The following DHX57 variants were observed in gnomAD, a reference collection of about 807,000 sequenced individuals.
DHX57 encodes putative ATP-dependent RNA helicase DHX57.
Under a neutral mutation model 156.2 loss-of-function variants are expected in DHX57, and 105 were observed. The ratio of observed to expected loss-of-function variants is 0.67; its 90% CI spans 0.57 to 0.79. The LOEUF (loss-of-function observed/expected upper bound fraction) is 0.79. Ranked by LOEUF, DHX57 falls within the 30% of genes least tolerant of loss-of-function variation. The probability of loss-of-function intolerance (pLI) is 0.00; values close to 1 mark genes in which losing one functional copy is unlikely to be tolerated. For synonymous variants in DHX57, 704 were observed against 595.6 expected (o/e 1.18, Z -2.65); for missense variants, 1,847 against 1,661.9 (o/e 1.11, Z -1.94).
rs1665185898 is a variant in DHX57 at position 38,868,314 on chromosome 2, C to A, written c.92G>T (p.Ser31Ile). ...ACCGCCACCACTCCCATGAGATTTA[C>A]TGGCGTGACTCCTGCCTCCTCTTCC... ...RGGRGGRSHA[S>I]KSHGSGGGGG... Residue 31 changes from serine (S) to isoleucine (I), a missense_variant, in exon 2 of 24, where the codon AGT (serine) becomes ATT (isoleucine). Physicochemically the swap from Ser to Ile is moderately radical, Grantham distance 142 (BLOSUM62 -2). Coordinates refer to ENST00000457308, the MANE Select transcript of DHX57 (RefSeq NM_198963.3). 6.6e-7 allele frequency: 1 copy of A among 1,512,906 alleles called. No individual in the cohort carries two copies. The highest frequency in any genetic ancestry group is 1.4e-5 in the African/African-American group (1 of 71,888). 93.7% of individuals were successfully genotyped at this position (1,512,906 alleles called of 1,614,324 possible). A position where few individuals can be genotyped will look rare whatever the true frequency, so the allele number is the denominator to read the frequency against.
intron 12 of DHX57, among the ~76,000 whole-genome samples, chr2:38,842,468 T>G (rs1369175102): frequency 2.0e-5 from 3 of 152,182 alleles, no homozygotes; most frequent in Non-Finnish European, 4.4e-5. Context: ...ATCACTGTAC[T>G]GTGGTTACGT....
chr2:38,860,437 G>A (rs1572703859), intron 5 of DHX57, among the ~76,000 whole-genome samples: 1 of 152,014 alleles, frequency 6.6e-6, no homozygotes, highest in Non-Finnish European at 1.5e-5. Flanking sequence ...GGACAAGAGT[G>A]AAACTCCATC....
intron 9 of DHX57, among the ~76,000 whole-genome samples, chr2:38,852,802 C>A (rs1380906351): frequency 2.6e-5 from 4 of 151,722 alleles, no homozygotes; most frequent in Non-Finnish European, 5.9e-5. Context: ...TTATGCCTCA[C>A]CCTTTAATGA....
At chr2:38,874,534 T>C (rs577439234) in intron 1 of DHX57, among the ~76,000 whole-genome samples, 2 of 150,946 alleles carry the variant, frequency 1.3e-5, no homozygotes, top group East Asian at 2.0e-4. Context: ...CTCAGCCTCC[T>C]GAGTAGCTGG....
At chr2:38,873,963 G>C (rs3112170) in intron 1 of DHX57, among the ~76,000 whole-genome samples, 38,373 of 152,010 alleles carry the variant, frequency 0.25, 5,655 homozygotes, top group Non-Finnish European at 0.32. Flanking sequence ...ATTGGTTCCA[G>C]AACCCCCATG....
At chr2:38,865,933 C>A (rs989033651) in intron 2 of DHX57, among the ~76,000 whole-genome samples, 1 of 152,146 alleles carries the variant, frequency 6.6e-6, no homozygotes, top group Non-Finnish European at 1.5e-5. Context: ...AAAGCACACC[C>A]AGTCAATGCT....
At chr2:38,838,481 C>A (rs1001229147) in intron 12 of DHX57, among the ~76,000 whole-genome samples, 1 of 152,144 alleles carries the variant, frequency 6.6e-6, no homozygotes, top group African/African-American at 2.4e-5. Flanking sequence ...GGCTCCTGCC[C>A]CTGTTGGAAA....
intron 13 of DHX57, among the ~76,000 whole-genome samples, chr2:38,833,249 TCTC>T (rs1671473896): frequency 6.6e-6 from 1 of 152,110 alleles, no homozygotes; most frequent in African/African-American, 2.4e-5. Flanking sequence ...TTCAAGAGAT[TCTC>T]CTGCCTCAGC....
chr2:38,857,165 T>G (rs1025687990), intron 6 of DHX57: 7 of 154,090 alleles, frequency 4.5e-5, no homozygotes, highest in African/African-American at 1.7e-4. Context: ...AAGAATAGTG[T>G]TACTGAGGAA....
chr2:38,837,717 T>C, intron 13 of DHX57, 114 bp downstream of exon 13: 1 of 691,986 alleles, frequency 1.4e-6, no homozygotes, highest in Middle Eastern at 2.5e-4. Context: ...CCCCACTGCC[T>C]TGTAGCCTGT....
At chr2:38,871,243 T>C (rs189628630) in intron 1 of DHX57, among the ~76,000 whole-genome samples, 2 of 152,346 alleles carry the variant, frequency 1.3e-5, no homozygotes, top group East Asian at 3.9e-4. Context: ...TAAAATAATA[T>C]GTATATGATA....
chr2:38,826,754 T>G (rs1218243057), intron 14 of DHX57, 65 bp from the exon 15 acceptor site: 2 of 1,533,612 alleles, frequency 1.3e-6, no homozygotes, highest in Non-Finnish European at 1.8e-6. Context: ...TTACAGTAGG[T>G]GAATTTCTAC....
intron 22 of DHX57, among the ~76,000 whole-genome samples, chr2:38,804,517 T>C (rs1449897449): frequency 1.3e-5 from 2 of 151,740 alleles, no homozygotes; most frequent in Admixed American, 6.6e-5. Flanking sequence ...AAAATAAAAA[T>C]AAAAACAAAA....
rs6544176 is a variant in DHX57 at position 38,808,982 on chromosome 2, A to T, written c.3682-2289T>A. ...TTGCCCAGGCTGGAGTGCAGTGGCTATACACAGGCACAGTCATAGCTAACT... is the reference window on the plus strand; with the variant it reads ...TTGCCCAGGCTGGAGTGCAGTGGCTTTACACAGGCACAGTCATAGCTAACT... On this transcript the variant is annotated intron_variant, in intron 21 of 23. Transcript: ENST00000457308. 1.7e-3 allele frequency among the ~76,000 whole-genome samples: 255 copies of T among 152,012 alleles called. 1 individual carries two copies. The highest frequency in any genetic ancestry group is 6.1e-3 in the African/African-American group (251 of 41,466).
chr2:38,826,668 A>G lies in DHX57; in HGVS notation c.2661T>C (p.His887=), dbSNP rs1671102947. 1 of 1,614,128 alleles carries G rather than the reference A, an allele frequency of 6.2e-7. No individual in the cohort carries two copies. The highest frequency in any genetic ancestry group is 8.5e-7 in the Non-Finnish European group (1 of 1,179,968). ...RSNRCVIHPL[H]SSLSSEEQQA... ...GCTGCTCTTCACTGGATAAAGATGA[A>G]TGAAGTGGGTGAATAACACATCTGG... Residue 887 remains histidine, a synonymous_variant, in exon 15 of 24, where the codon CAT becomes CAC. Coordinates refer to ENST00000457308, the MANE Select transcript of DHX57 (RefSeq NM_198963.3).
At chr2:38,836,566 G>C (rs1394364466) in intron 13 of DHX57, among the ~76,000 whole-genome samples, 2 of 152,102 alleles carry the variant, frequency 1.3e-5, no homozygotes, top group African/African-American at 4.8e-5. Context: ...GTGAGGTCAG[G>C]AGTTCAAGAC....
intron 17 of DHX57, among the ~76,000 whole-genome samples, chr2:38,822,041 C>T (rs768666273): frequency 9.9e-5 from 15 of 152,230 alleles, no homozygotes; most frequent in East Asian, 5.8e-4. Context: ...CACCACCCCC[C>T]GGCCCAGGTG....
chr2:38,855,720 T>C (rs957960785), intron 7 of DHX57, among the ~76,000 whole-genome samples: 6 of 152,156 alleles, frequency 3.9e-5, no homozygotes, highest in Non-Finnish European at 7.4e-5. Context: ...CTTGAATAAA[T>C]AAATGAAGTC....
At chr2:38,824,843 T>C (rs1444033105) in intron 16 of DHX57, among the ~76,000 whole-genome samples, 1 of 152,160 alleles carries the variant, frequency 6.6e-6, no homozygotes, top group Non-Finnish European at 1.5e-5. Flanking sequence ...GAGATGGGGT[T>C]TCACCATGTT....
Sources: allele counts gnomAD v4.1 joint callset (sites outside exome capture counted in the v4.1 genomes callset), GRCh38; gene constraint gnomAD v4.1.1; transcripts MANE v1.5; gene names NCBI Gene and HGNC (gene_info 2026-07-23, HGNC 2026-07-21).